CYREN: variants seen among roughly 807,000 people sequenced by gnomAD.
CYREN encodes cell cycle regulator of NHEJ, also known as cell cycle regulator of non-homologous end joining.
In CYREN, 7 loss-of-function variants were observed where a neutral mutation model predicts 9.7. The observed-to-expected ratio is 0.72, with a 90% confidence interval of 0.41 to 1.36. The LOEUF is 1.36. Among genes scored for constraint, CYREN ranks in the 40% most tolerant of loss-of-function variants. The probability of loss-of-function intolerance (pLI) is 0.01; values close to 1 mark genes in which losing one functional copy is unlikely to be tolerated. For missense variants in CYREN, 215 were observed against 198.1 expected, an observed-to-expected ratio of 1.09 and a Z score of -0.51; for synonymous variants, 76 against 77.9, an observed-to-expected ratio of 0.98 and a Z score of 0.13.
chr7:135,170,614 G>A (rs1269735068), intron 1 of CYREN, 38 bp downstream of exon 1: 2 of 152,286 alleles, frequency 1.3e-5, no homozygotes, highest in Non-Finnish European at 2.9e-5. Flanking sequence ...GCGGAGCCGG[G>A]AGGCAAATTC....
chr7:135,145,633 GCAAA>G (rs1000376785), intron 2 of CYREN, among the ~76,000 whole-genome samples: 13 of 152,302 alleles, frequency 8.5e-5, no homozygotes, highest in African/African-American at 3.1e-4. Flanking sequence ...AACCAAGCAA[GCAAA>G]CAAACTTTTT....
chr7:135,161,773 C>G (rs1829945524), downstream of CYREN, among the ~76,000 whole-genome samples: 1 of 152,216 alleles, frequency 6.6e-6, no homozygotes, highest in African/African-American at 2.4e-5. The surrounding 1 kb of genome is among the most constrained non-coding windows in gnomAD (Gnocchi z 4.1). Context: ...CTGGGACCTC[C>G]AGAGCCTTTG....
In CYREN at chr7:135,166,081, G is replaced by A. The variant is rs1830111674; in HGVS notation, c.*530C>T. On this transcript the variant is annotated 3_prime_UTR_variant, in exon 4 of 4. Transcript: ENST00000393114. ...CCTCCCAGACAGGGCAGAGAACTGT[G>A]GGCAGCTCGTTTGCTTTCTAGGCTG... 6.6e-6 allele frequency: 1 copy of A among 152,604 alleles called. No individual in the cohort carries two copies. The highest frequency in any genetic ancestry group is 2.4e-5 in the African/African-American group (1 of 41,456). 9.5% of individuals were successfully genotyped at this position (152,604 alleles called of 1,614,324 possible).
intron 2 of CYREN, among the ~76,000 whole-genome samples, chr7:135,099,708 CTCA>C (rs1335675555): frequency 6.6e-6 from 1 of 152,008 alleles, no homozygotes; most frequent in Non-Finnish European, 1.5e-5. Flanking sequence ...CAGATGTCTC[CTCA>C]TATTCTACAT....
intron 2 of CYREN, among the ~76,000 whole-genome samples, chr7:135,106,054 T>C (rs951256138): frequency 1.3e-5 from 2 of 152,216 alleles, no homozygotes; most frequent in African/African-American, 2.4e-5. Flanking sequence ...TGTTGGTATA[T>C]AGGAATGCCA....
intron 2 of CYREN, among the ~76,000 whole-genome samples, chr7:135,145,816 G>C (rs1253618603): frequency 6.6e-6 from 1 of 152,088 alleles, no homozygotes; most frequent in African/African-American, 2.4e-5. Flanking sequence ...TTACAGTAAA[G>C]CAAATCACAC....
chr7:135,135,502 T>TA (rs61150470), intron 2 of CYREN: 144,400 of 311,662 alleles, frequency 0.46, 35,228 homozygotes, highest in East Asian at 0.74. Flanking sequence ...ATTTAGTTTT[T>TA]ATCAGCATGG....
At chr7:135,102,059 G>A (rs1823918310) in intron 2 of CYREN, among the ~76,000 whole-genome samples, 1 of 152,166 alleles carries the variant, frequency 6.6e-6, no homozygotes, top group Non-Finnish European at 1.5e-5. Context: ...ACATAGAATC[G>A]TGATTCCATT....
In CYREN at chr7:135,149,596, C is replaced by A. The variant is rs544601589; in HGVS notation, n.356+19153G>T. Among the ~76,000 whole-genome samples the A allele has an allele frequency of 2.0e-5, 3 of 152,286 alleles. No individual in the cohort carries two copies. The South Asian group carries it at 6.2e-4, about 32-fold the overall frequency. On this transcript the variant is annotated intron_variant and non_coding_transcript_variant, in intron 2 of 2. Transcript: ENST00000459937. Reference sequence around the variant, plus strand: ...TTTTTAGGGTTTTTAATGTTTATTGCCAATCTGCCTCCCTGAAAGTTTGTA... The same window carrying A: ...TTTTTAGGGTTTTTAATGTTTATTGACAATCTGCCTCCCTGAAAGTTTGTA...
intron 2 of CYREN, among the ~76,000 whole-genome samples, chr7:135,132,751 T>G (rs572228943): frequency 2.2e-4 from 33 of 152,298 alleles, no homozygotes; most frequent in African/African-American, 7.7e-4. Context: ...ATGTAAGACA[T>G]GACTTTGCTC....
chr7:135,129,647 T>G (rs557054876), intron 2 of CYREN: 2 of 781,194 alleles, frequency 2.6e-6, no homozygotes, highest in African/African-American at 1.7e-5. Context: ...TGTTTTATGC[T>G]GTGGATGTTG....
At position 135,168,626 on chromosome 7, in the gene CYREN, G is replaced by A. The variant is rs188974408; in HGVS notation, c.137+160C>T. 138 of 1,170,400 alleles carry A rather than the reference G, an allele frequency of 1.2e-4. 1 individual carries two copies. In the East Asian group the frequency reaches 1.2e-3, roughly 10 times the overall value. 72.5% of individuals were successfully genotyped at this position (1,170,400 alleles called of 1,614,324 possible). ...CGAGGGTTAACCCGCTTTGCCTCCCGCCCACAGCCCCTCCACCTTCTAAAA... is the reference window on the plus strand; with the variant it reads ...CGAGGGTTAACCCGCTTTGCCTCCCACCCACAGCCCCTCCACCTTCTAAAA... On this transcript the variant is annotated intron_variant, in intron 2 of 3. Coordinates refer to ENST00000393114, the MANE Select transcript of CYREN (RefSeq NM_024033.4).
At chr7:135,111,713 T>C (rs1041708132) in intron 2 of CYREN, among the ~76,000 whole-genome samples, 5 of 152,204 alleles carry the variant, frequency 3.3e-5, no homozygotes, top group African/African-American at 1.2e-4. Context: ...TTGAAATATG[T>C]GAAGAGGAGC....
rs189696122 is a variant in CYREN, at chr7:135,115,477, C to T, written n.357-20895G>A. On this transcript the variant is annotated intron_variant and non_coding_transcript_variant, in intron 2 of 2. Transcript: ENST00000459937. ...GGACAGATGATGAAAAAAGAAGCTACAAGGATAAAGGAATAGTTCAAACTC... is the reference window on the plus strand; with the variant it reads ...GGACAGATGATGAAAAAAGAAGCTATAAGGATAAAGGAATAGTTCAAACTC... 3.1e-4 allele frequency: 475 copies of T among 1,551,276 alleles called. 3 individuals carry two copies. In the African/African-American group the frequency reaches 6.2e-3, roughly 20 times the overall value.
exon 3 of CYREN, chr7:135,093,848 C>T (rs530309728): frequency 1.4e-4 from 21 of 152,318 alleles, no homozygotes; most frequent in Admixed American, 1.3e-3. Flanking sequence ...TCAAAACTGA[C>T]TACCAAGCTA....
intron 2 of CYREN, among the ~76,000 whole-genome samples, chr7:135,130,069 A>G (rs1254903471): frequency 1.3e-5 from 2 of 152,046 alleles, no homozygotes; most frequent in Admixed American, 6.5e-5. Context: ...TCCCTCTAAG[A>G]CATTCTGTTG....
intron 2 of CYREN, chr7:135,168,047 A>G: frequency 1.7e-6 from 1 of 595,188 alleles, no homozygotes; most frequent in Non-Finnish European, 2.9e-6. Context: ...CAACTGCCCT[A>G]CAAGGATCTG....
At chr7:135,106,006 T>C (rs1337519768) in intron 2 of CYREN, among the ~76,000 whole-genome samples, 1 of 152,178 alleles carries the variant, frequency 6.6e-6, no homozygotes, top group Non-Finnish European at 1.5e-5. Flanking sequence ...CTATTATGAA[T>C]GGGATTGTGT....
chr7:135,105,103 T>C (rs1824473848), intron 2 of CYREN, among the ~76,000 whole-genome samples: 1 of 141,846 alleles, frequency 7.0e-6, no homozygotes, highest in South Asian at 2.3e-4. Flanking sequence ...GGAGTCTTGC[T>C]CTTTCACCCA....
Sources: allele counts gnomAD v4.1 joint callset (sites outside exome capture counted in the v4.1 genomes callset), GRCh38; gene constraint gnomAD v4.1.1; non-coding constraint Gnocchi (gnomAD v3.1); transcripts MANE v1.5; gene names NCBI Gene and HGNC (gene_info 2026-07-23, HGNC 2026-07-21).